Variants in RBKS observed in about 807,000 individuals in gnomAD.
RBKS encodes ribokinase.
Under a neutral mutation model 33.9 loss-of-function variants are expected in RBKS, and 33 were observed. That is an observed-to-expected ratio of 0.97 (90% CI 0.74 to 1.30). The LOEUF is 1.30. Among genes scored for constraint, RBKS ranks in the 50% most tolerant of loss-of-function variants. The pLI, the probability that RBKS is intolerant of heterozygous loss-of-function variation, is 0.00. For synonymous variants in RBKS, 125 were observed against 143.0 expected (o/e 0.87, Z 0.90); for missense variants, 361 against 392.6 (o/e 0.92, Z 0.68).
intron 6 of RBKS, among the ~76,000 whole-genome samples, chr2:27,832,233 G>T (rs1341395069): frequency 1.3e-5 from 2 of 152,166 alleles, no homozygotes; most frequent in Non-Finnish European, 2.9e-5. Flanking sequence ...CAAACTACAG[G>T]AAGCTCAGTT....
intron 7 of RBKS, among the ~76,000 whole-genome samples, chr2:27,813,355 CAT>C (rs1486580379): frequency 6.6e-6 from 1 of 152,084 alleles, no homozygotes; most frequent in Admixed American, 6.5e-5. Flanking sequence ...ACTACAGACA[CAT>C]GTTTAAAATG....
chr2:27,794,102 C>T (rs1040501153), intron 7 of RBKS, among the ~76,000 whole-genome samples: 1 of 151,864 alleles, frequency 6.6e-6, no homozygotes, highest in Non-Finnish European at 1.5e-5. Flanking sequence ...GAGTTCAAGA[C>T]CATCCTGACT....
chr2:27,840,326 T>TCA (rs1350406533), intron 5 of RBKS, among the ~76,000 whole-genome samples: 2 of 45,346 alleles, frequency 4.4e-5, no homozygotes, highest in Non-Finnish European at 9.7e-5. Flanking sequence ...TGATGATGCA[T>TCA]TACACACACA....
At chr2:27,838,673 T>C (rs1011531500) in intron 5 of RBKS, among the ~76,000 whole-genome samples, 5 of 152,210 alleles carry the variant, frequency 3.3e-5, no homozygotes, top group Admixed American at 1.3e-4. Context: ...AATTAGTAGA[T>C]GCAGTTAATC....
chr2:27,842,212 T>C (rs1663525844), intron 5 of RBKS, among the ~76,000 whole-genome samples: 1 of 152,142 alleles, frequency 6.6e-6, no homozygotes, highest in Admixed American at 6.5e-5. Flanking sequence ...AAATAAATCA[T>C]CTGGATTTTT....
At chr2:27,792,702 T>A (rs1677562025) in intron 7 of RBKS, among the ~76,000 whole-genome samples, 1 of 152,186 alleles carries the variant, frequency 6.6e-6, no homozygotes, top group South Asian at 2.1e-4. Flanking sequence ...TGGTTCACAC[T>A]CTGACCTTCT....
intron 7 of RBKS, chr2:27,809,926 G>T (rs765322207): frequency 1.2e-4 from 157 of 1,301,970 alleles, no homozygotes; most frequent in Non-Finnish European, 1.6e-4. Flanking sequence ...TTTTGCTCGA[G>T]CTGTTAGGCC....
At chr2:27,816,804 A>G (rs376939778) in intron 7 of RBKS, among the ~76,000 whole-genome samples, 32 of 152,158 alleles carry the variant, frequency 2.1e-4, no homozygotes, top group Admixed American at 7.9e-4. Flanking sequence ...TCACTATGTT[A>G]GCCAGGATGG....
At chr2:27,781,816 T>A in intron 7 of RBKS, 28 bp from the exon 8 acceptor site, 2 of 1,585,990 alleles carry the variant, frequency 1.3e-6, no homozygotes, top group Non-Finnish European at 1.7e-6. Context: ...GTTTTGAAGA[T>A]AAGCATGTAG....
intron 7 of RBKS, among the ~76,000 whole-genome samples, chr2:27,785,710 C>T (rs999095472): frequency 7.4e-5 from 11 of 148,954 alleles, no homozygotes; most frequent in African/African-American, 2.5e-4. Context: ...TGCAGTGAGC[C>T]GAGATCACAC....
At chr2:27,840,765 T>TA (rs1296873775) in intron 5 of RBKS, among the ~76,000 whole-genome samples, 2 of 152,148 alleles carry the variant, frequency 1.3e-5, no homozygotes, top group Non-Finnish European at 2.9e-5. Flanking sequence ...ACTTGGGTCT[T>TA]AGAGTCTGAA....
intron 6 of RBKS, among the ~76,000 whole-genome samples, chr2:27,830,313 G>A (rs1678395981): frequency 6.6e-6 from 1 of 151,956 alleles, no homozygotes; most frequent in Non-Finnish European, 1.5e-5. Context: ...AGGCTGGAGT[G>A]CAGCCGCCTG....
In RBKS at chr2:27,884,562, T is replaced by C. The variant is rs553171722; in HGVS notation, c.89+5695A>G. Among the ~76,000 whole-genome samples the C allele has an allele frequency of 4.0e-4, 61 of 152,298 alleles. 1 individual carries two copies. The highest frequency in any genetic ancestry group is 1.4e-3 in the African/African-American group (57 of 41,554). On this transcript the variant is annotated intron_variant, in intron 1 of 7. Transcript: ENST00000302188. ...TATGCCTGGCCATAACTTTTTTTTT[T>C]TAAGTAATCTAGGTCCAATGCTTCA...
At chr2:27,806,179 C>T (rs1228885047) in intron 7 of RBKS, among the ~76,000 whole-genome samples, 5 of 152,116 alleles carry the variant, frequency 3.3e-5, no homozygotes, top group Admixed American at 1.3e-4. Context: ...CCACCAGGAC[C>T]GACCTGAAAA....
At chr2:27,796,896 C>T (rs1005770608) in intron 7 of RBKS, among the ~76,000 whole-genome samples, 1 of 152,168 alleles carries the variant, frequency 6.6e-6, no homozygotes, top group Non-Finnish European at 1.5e-5. Context: ...CCTGTCTGTC[C>T]ATAGCTGCCT....
At chr2:27,881,606 T>C (rs1011162459) in intron 1 of RBKS, among the ~76,000 whole-genome samples, 2 of 151,936 alleles carry the variant, frequency 1.3e-5, no homozygotes, top group African/African-American at 4.8e-5. Flanking sequence ...AGAGCCTGAA[T>C]AGCCAAGGCA....
intron 1 of RBKS, among the ~76,000 whole-genome samples, chr2:27,866,454 T>A (rs989134491): frequency 1.3e-5 from 2 of 152,188 alleles, no homozygotes; most frequent in African/African-American, 4.8e-5. Context: ...GCATCAAGTT[T>A]AAAAAATTTC....
At chr2:27,798,410 T>G (rs1310001587) in intron 7 of RBKS, among the ~76,000 whole-genome samples, 1 of 152,164 alleles carries the variant, frequency 6.6e-6, no homozygotes, top group East Asian at 1.9e-4. Context: ...CTTTTCAGCT[T>G]GTGGCACCTC....
chr2:27,813,731 A>AG (rs1462426039), intron 7 of RBKS, among the ~76,000 whole-genome samples: 1 of 152,138 alleles, frequency 6.6e-6, no homozygotes, highest in Non-Finnish European at 1.5e-5. Flanking sequence ...CAGAGAAAAT[A>AG]GGGGAAAGGC....
Sources: allele counts gnomAD v4.1 joint callset (sites outside exome capture counted in the v4.1 genomes callset), GRCh38; gene constraint gnomAD v4.1.1; transcripts MANE v1.5; gene names NCBI Gene and HGNC (gene_info 2026-07-23, HGNC 2026-07-21).